The following SLC24A2 variants were observed in gnomAD, a reference collection of about 807,000 sequenced individuals.
SLC24A2 encodes sodium/potassium/calcium exchanger 2.
SLC24A2 carries 36 observed loss-of-function variants against 62.0 expected under a neutral mutation model. That is an observed-to-expected ratio of 0.58 (90% CI 0.44 to 0.77). SLC24A2 has a LOEUF of 0.77. SLC24A2 is among the 30% of genes least tolerant of loss of function. The pLI is 0.00. For synonymous variants in SLC24A2, 358 were observed against 294.0 expected (o/e 1.22, Z -2.23); for missense variants, 846 against 817.9 (o/e 1.03, Z -0.42).
intron 2 of SLC24A2, among the ~76,000 whole-genome samples, chr9:19,758,887 T>C (rs1382695314): frequency 6.6e-6 from 1 of 152,178 alleles, no homozygotes; most frequent in East Asian, 1.9e-4. Context: ...TCTACTAAGG[T>C]AAAGTCGTCT....
intron 2 of SLC24A2, among the ~76,000 whole-genome samples, chr9:19,759,537 G>A (rs1042074770): frequency 6.6e-6 from 1 of 152,180 alleles, no homozygotes; most frequent in African/African-American, 2.4e-5. Context: ...CAGCATTGCA[G>A]CCATATGGAC....
chr9:20,097,720 ATTTTTTTTTTTTTTTTTTTTTTTTTT>A, the SLC24A2 span, among the ~76,000 whole-genome samples: 11 of 69,054 alleles, frequency 1.6e-4, no homozygotes, highest in Admixed American at 2.1e-4. Context: ...ATCTTAAATA[ATTTTTTTTTTTTTTTTTTTTTTTTTT>A]TTTTTTTTTT....
the SLC24A2 span, among the ~76,000 whole-genome samples, chr9:20,035,277 A>T: frequency 5.7e-4 from 87 of 152,216 alleles, no homozygotes; most frequent in Admixed American, 5.4e-3. Flanking sequence ...TGATTAAATA[A>T]GACAATACTT....
the SLC24A2 span, among the ~76,000 whole-genome samples, chr9:19,857,728 C>T: frequency 1.4e-5 from 2 of 145,598 alleles, no homozygotes; most frequent in African/African-American, 5.1e-5. Context: ...CCTTGCTAAA[C>T]TAACATTACT....
chr9:19,522,315 C>G (rs1563929580), intron 9 of SLC24A2, among the ~76,000 whole-genome samples: 1 of 152,120 alleles, frequency 6.6e-6, no homozygotes, highest in African/African-American at 2.4e-5. Context: ...ACTTTTAAAA[C>G]CTATTCATGT....
the SLC24A2 span, among the ~76,000 whole-genome samples, chr9:20,102,521 A>G: frequency 1.3e-5 from 2 of 152,106 alleles, no homozygotes; most frequent in East Asian, 1.9e-4. Flanking sequence ...GACACACAGC[A>G]TAAGGAGAAA....
At chr9:20,026,797 C>T in the SLC24A2 span, among the ~76,000 whole-genome samples, 7 of 152,078 alleles carry the variant, frequency 4.6e-5, no homozygotes, top group African/African-American at 7.2e-5. Flanking sequence ...CTTAAAAGCA[C>T]AGGCAACAAA....
intron 1 of SLC24A2, 90 bp from the exon 2 acceptor site, chr9:19,787,109 G>A (rs1327081875): frequency 1.5e-6 from 1 of 687,292 alleles, no homozygotes; most frequent in Non-Finnish European, 1.8e-6. Context: ...GTCCTGTCCT[G>A]CAGCTGTGCG....
At chr9:19,684,727 C>T (rs141679764) in intron 2 of SLC24A2, among the ~76,000 whole-genome samples, 58 of 151,984 alleles carry the variant, frequency 3.8e-4, no homozygotes, top group African/African-American at 1.4e-3. Flanking sequence ...GACAAGATGG[C>T]AGCATTGCAG....
At chr9:19,596,009 G>C (rs999712761) in intron 5 of SLC24A2, among the ~76,000 whole-genome samples, 6 of 152,160 alleles carry the variant, frequency 3.9e-5, no homozygotes, top group Non-Finnish European at 5.9e-5. Flanking sequence ...GCTGTTGGTA[G>C]GGCCCAGTGT....
At chr9:19,693,093 C>T (rs1401407256) in intron 2 of SLC24A2, among the ~76,000 whole-genome samples, 4 of 151,966 alleles carry the variant, frequency 2.6e-5, no homozygotes, top group African/African-American at 9.7e-5. Context: ...TATTTATTTA[C>T]TTATTTATTT....
At chr9:19,851,070 C>T in the SLC24A2 span, among the ~76,000 whole-genome samples, 7 of 131,444 alleles carry the variant, frequency 5.3e-5, no homozygotes, top group East Asian at 1.6e-3. Context: ...GTTGCTCAGG[C>T]TGGAGTGCAA....
the SLC24A2 span, among the ~76,000 whole-genome samples, chr9:19,816,956 A>G: frequency 6.6e-6 from 1 of 152,168 alleles, no homozygotes. Flanking sequence ...CTGCCACTCC[A>G]TGATGTACCA....
chr9:20,123,192 A>G, the SLC24A2 span, among the ~76,000 whole-genome samples: 1 of 152,162 alleles, frequency 6.6e-6, no homozygotes. Context: ...GTGTCCTCAC[A>G]TAATGGAAAC....
chr9:20,096,250 T>G, the SLC24A2 span, among the ~76,000 whole-genome samples: 1 of 152,344 alleles, frequency 6.6e-6, no homozygotes, highest in Non-Finnish European at 1.5e-5. Flanking sequence ...TGTATCATAG[T>G]ATTACCAGGT....
chr9:19,779,023 A>T (rs1359825), intron 2 of SLC24A2, among the ~76,000 whole-genome samples: 33,725 of 152,188 alleles, frequency 0.22, 3,996 homozygotes, highest in South Asian at 0.32. Flanking sequence ...TAGAAAGTCA[A>T]TAGATGCGCT....
chr9:19,617,820 C>A (rs1427066130), intron 4 of SLC24A2, among the ~76,000 whole-genome samples: 1 of 152,132 alleles, frequency 6.6e-6, no homozygotes, highest in Non-Finnish European at 1.5e-5. Context: ...AATGACATAA[C>A]CTGATTTACT....
chr9:19,519,240 G>C (rs779649445), intron 10 of SLC24A2, among the ~76,000 whole-genome samples: 18 of 152,112 alleles, frequency 1.2e-4, no homozygotes, highest in Non-Finnish European at 1.6e-4. Context: ...AGATAAAACT[G>C]AATATTTTAC....
the SLC24A2 span, among the ~76,000 whole-genome samples, chr9:20,058,552 C>G: frequency 6.7e-6 from 1 of 150,330 alleles, no homozygotes; most frequent in Non-Finnish European, 1.5e-5. Flanking sequence ...ATTTTTTCTA[C>G]AGTGGAGCAT....
Sources: gnomAD v4.1 joint callset for allele counts (sites outside exome capture counted in the v4.1 genomes callset) on GRCh38, gnomAD v4.1.1 for gene constraint, MANE v1.5 for transcripts, NCBI Gene and HGNC (gene_info 2026-07-23, HGNC 2026-07-21) for gene names.